The following ASTN2 variants were observed in gnomAD, a reference collection of about 807,000 sequenced individuals.
The protein encoded by ASTN2 is astrotactin-2.
A neutral mutation model predicts 139.8 loss-of-function variants in ASTN2; 54 were observed. The observed-to-expected ratio is 0.39, with a 90% CI of 0.31 to 0.48. ASTN2 has a LOEUF of 0.48. Ranked by LOEUF, ASTN2 falls within the 20% of genes least tolerant of loss-of-function variation. ASTN2 has a pLI of 0.95. For missense variants in ASTN2, 1,565 were observed against 1,725.1 expected (o/e 0.91, Z 1.64); for synonymous variants, 756 against 719.5 (o/e 1.05, Z -0.81).
intron 1 of ASTN2, among the ~76,000 whole-genome samples, chr9:117,326,884 A>G (rs2097406101): frequency 6.6e-6 from 1 of 152,184 alleles, no homozygotes; most frequent in African/African-American, 2.4e-5. Context: ...TTGAAGGATA[A>G]ACATTTTACC....
intron 12 of ASTN2, among the ~76,000 whole-genome samples, chr9:116,819,557 C>A (rs1045272807): frequency 6.6e-6 from 1 of 152,116 alleles, no homozygotes; most frequent in African/African-American, 2.4e-5. Context: ...ATTCATTTTT[C>A]TGGTAAACTG....
chr9:116,820,798 G>A lies in ASTN2; in HGVS notation c.2041-15C>T. 6.2e-7 allele frequency: 1 copy of A among 1,606,760 alleles called. No individual in the cohort carries two copies. Among genetic ancestry groups the A allele is most frequent in the Non-Finnish European group, 8.5e-7 (1 of 1,175,064 alleles). On this transcript the variant is annotated splice_polypyrimidine_tract_variant and intron_variant, in intron 11 of 22. Coordinates refer to ENST00000313400, the MANE Select transcript of ASTN2 (RefSeq NM_001365068.1). ...TCCTCAGGGCACTGCTCAGAGAGAGGGCAACAGGGTAGTTATGGCTTGGGA... is the reference window on the plus strand; with the variant it reads ...TCCTCAGGGCACTGCTCAGAGAGAGAGCAACAGGGTAGTTATGGCTTGGGA...
At position 116,425,992 on chromosome 9, in the gene ASTN2, C is replaced by T. The variant is rs774601171; in HGVS notation, c.3879G>A (p.Val1293=). 1.2e-6 allele frequency: 2 copies of T among 1,614,160 alleles called. No individual in the cohort carries two copies. Among genetic ancestry groups the T allele is most frequent in the South Asian group, 1.1e-5 (1 of 91,084 alleles). ...CCTCGCTGCGGCAGAAAAGATAGGG[C>T]ACTGTTTCCACGCGGCTCTGGATGT... The part of the protein sequence containing the change: ...SAYIQSRVET[V]PYLFCRSEEV... The change falls in exon 23 of 23, where the codon GTG becomes GTA. Residue 1293 remains valine, a synonymous_variant. Coordinates refer to ENST00000313400, the MANE Select transcript of ASTN2 (RefSeq NM_001365068.1).
At chr9:117,186,703 C>A (rs946036291) in intron 3 of ASTN2, among the ~76,000 whole-genome samples, 2 of 152,182 alleles carry the variant, frequency 1.3e-5, no homozygotes, top group Non-Finnish European at 2.9e-5. Flanking sequence ...TATCAATTCA[C>A]TCCTCAATTA....
intron 16 of ASTN2, among the ~76,000 whole-genome samples, chr9:116,680,773 T>C (rs373143166): frequency 5.3e-5 from 8 of 152,094 alleles, no homozygotes; most frequent in South Asian, 4.1e-4. Flanking sequence ...AAGACAAAAA[T>C]CACATGATTA....
chr9:116,989,961 T>G (rs1836803073), intron 7 of ASTN2, among the ~76,000 whole-genome samples: 1 of 152,194 alleles, frequency 6.6e-6, no homozygotes, highest in Non-Finnish European at 1.5e-5. Flanking sequence ...CTTTGGTCTC[T>G]GCTTCTGTTT....
At chr9:117,131,506 T>C (rs1829826962) in intron 4 of ASTN2, among the ~76,000 whole-genome samples, 1 of 152,200 alleles carries the variant, frequency 6.6e-6, no homozygotes, top group Non-Finnish European at 1.5e-5. Context: ...TTTGCATCTG[T>C]AGAGAATCTC....
intron 7 of ASTN2, among the ~76,000 whole-genome samples, chr9:116,993,877 T>TA (rs1554767627): frequency 4.4e-5 from 5 of 114,274 alleles, no homozygotes; most frequent in African/African-American, 1.4e-4. Flanking sequence ...TATATATATA[T>TA]TTTAACTATA....
rs189587675 is a variant in ASTN2 at position 116,999,260 on chromosome 9, T to C, written c.1591+8832A>G. On this transcript the variant is annotated intron_variant, in intron 7 of 22. Coordinates refer to ENST00000313400, the MANE Select transcript of ASTN2 (RefSeq NM_001365068.1). ...AGAATATCCTAGAAATTATTTAGAC[T>C]TTTAATTTGTATCTTGCCACTAATT... Among the ~76,000 whole-genome samples the C allele has an allele frequency of 2.6e-3, 394 of 152,300 alleles. 3 individuals carry two copies. The highest frequency in any genetic ancestry group is 2.1e-3 in the Non-Finnish European group (144 of 68,026).
chr9:117,365,567 C>T (rs1271578686), intron 1 of ASTN2, among the ~76,000 whole-genome samples: 1 of 152,102 alleles, frequency 6.6e-6, no homozygotes, highest in Non-Finnish European at 1.5e-5. Flanking sequence ...CCTTCCTTGA[C>T]AGGTAAATGC....
At chr9:116,622,062 C>T (rs1250315993) in intron 17 of ASTN2, among the ~76,000 whole-genome samples, 1 of 152,082 alleles carries the variant, frequency 6.6e-6, no homozygotes, top group East Asian at 1.9e-4. Context: ...ATGTTTTTTA[C>T]TTTTGATATG....
At chr9:116,439,194 A>ATTTTTTTTTT (rs1016270368) in intron 22 of ASTN2, among the ~76,000 whole-genome samples, 807 of 56,716 alleles carry the variant, frequency 0.014, 99 homozygotes, top group Non-Finnish European at 0.02. Context: ...ATTCAAATAC[A>ATTTTTTTTTT]TTTTTTTTTT....
At chr9:116,653,869 G>C (rs181821089) in intron 16 of ASTN2, among the ~76,000 whole-genome samples, 2 of 152,310 alleles carry the variant, frequency 1.3e-5, no homozygotes, top group East Asian at 3.9e-4. Context: ...AAAGGCTCTG[G>C]GGGAGGAAGA....
At chr9:117,086,297 G>A (rs1045755560) in intron 5 of ASTN2, among the ~76,000 whole-genome samples, 3 of 152,092 alleles carry the variant, frequency 2.0e-5, no homozygotes, top group South Asian at 2.1e-4. Flanking sequence ...AGTCTTGGCC[G>A]GGTGCGGTGG....
intron 1 of ASTN2, among the ~76,000 whole-genome samples, chr9:117,335,899 T>C (rs1422815120): frequency 6.6e-6 from 1 of 152,022 alleles, no homozygotes; most frequent in East Asian, 1.9e-4. Flanking sequence ...ATGCTGCTAT[T>C]TGGAGAAAAA....
chr9:117,368,809 A>C (rs1172420464), intron 1 of ASTN2, among the ~76,000 whole-genome samples: 18 of 152,202 alleles, frequency 1.2e-4, no homozygotes, highest in Admixed American at 1.2e-3. Context: ...TCACAAAGCC[A>C]CAGTTGGCCA....
rs182133661 is a variant in ASTN2 at position 117,362,089 on chromosome 9, C to T, written c.442+52408G>A. On this transcript the variant is annotated intron_variant, in intron 1 of 22. Transcript: ENST00000313400. ...TCCTGGGTTCAGGTGATTCTCCTGC[C>T]TTAGCCTCCCAAGTGGCTGGTATTA... Among the ~76,000 whole-genome samples, 360 of 152,264 alleles carry T rather than the reference C, an allele frequency of 2.4e-3. 2 individuals are homozygous for T. Among genetic ancestry groups the T allele is most frequent in the African/African-American group, 8.1e-3 (336 of 41,574 alleles).
At chr9:117,337,125 T>C (rs570360950) in intron 1 of ASTN2, among the ~76,000 whole-genome samples, 46 of 152,304 alleles carry the variant, frequency 3.0e-4, no homozygotes, top group African/African-American at 1.1e-3. Flanking sequence ...AAATCACACC[T>C]TAGGTGAGAA....
chr9:116,645,809 T>C (rs1857561460), intron 17 of ASTN2, among the ~76,000 whole-genome samples: 1 of 152,182 alleles, frequency 6.6e-6, no homozygotes, highest in Admixed American at 6.5e-5. Flanking sequence ...GGTTAGCCAA[T>C]GGCCTCTCCC....
Sources: gnomAD v4.1 joint callset for allele counts (sites outside exome capture counted in the v4.1 genomes callset) on GRCh38, gnomAD v4.1.1 for gene constraint, MANE v1.5 for transcripts, NCBI Gene and HGNC (gene_info 2026-07-23, HGNC 2026-07-21) for gene names.